The following COL12A1 variants were observed in gnomAD, a reference collection of about 807,000 sequenced individuals.
COL12A1 encodes the protein collagen alpha-1(XII) chain.
In COL12A1, 114 loss-of-function variants were observed where a neutral mutation model predicts 349.7. That is an observed-to-expected ratio of 0.33 (90% CI 0.28 to 0.38). The LOEUF (loss-of-function observed/expected upper bound fraction) is 0.38. COL12A1 is among the 10% of genes least tolerant of loss of function. The probability of loss-of-function intolerance (pLI) is 1.00; values close to 1 mark genes in which losing one functional copy is unlikely to be tolerated. For missense variants in COL12A1, 3,284 were observed against 3,756.9 expected (o/e 0.87, Z 3.29); for synonymous variants, 1,369 against 1,329.0 (o/e 1.03, Z -0.66).
chr6:75,137,523 T>C lies in COL12A1; in HGVS notation c.5308A>G (p.Thr1770Ala), dbSNP rs192345009. ...CCACTAGCAGGATCCCACTTAACAG[T>C]CAGGCTGTTAGATGTTGCATTGTAC... ...QVYNATSNSLTVKWDPASGRV... is the reference protein window; with the variant it reads ...QVYNATSNSLAVKWDPASGRV... Residue 1770 changes from threonine (T) to alanine (A), a missense_variant, in exon 31 of 66, where the codon ACT becomes GCT. Coordinates refer to ENST00000322507, the MANE Select transcript of COL12A1 (RefSeq NM_004370.6). The C allele has an allele frequency of 2.5e-4, 398 of 1,613,680 alleles. No homozygotes were observed. The highest frequency in any genetic ancestry group is 3.2e-4 in the Non-Finnish European group (381 of 1,179,684).
chr6:75,137,527 GC>G lies in COL12A1; in HGVS notation c.5303del (p.Ser1768ThrfsTer2). 4 of 1,613,590 alleles carry G rather than the reference GC, an allele frequency of 2.5e-6. No individual in the cohort carries two copies. Among genetic ancestry groups the G allele is most frequent in the Non-Finnish European group, 3.4e-6 (4 of 1,179,634 alleles). The part of the protein sequence containing the change: ...NLQVYNATSN[S>X]LTVKWDPASG... ...TAGCAGGATCCCACTTAACAGTCAG[GC>G]TGTTAGATGTTGCATTGTACACTTG... On this transcript the variant is annotated frameshift_variant, in exon 31 of 66. Transcript: ENST00000322507. LOFTEE classifies it high-confidence loss of function.
chr6:75,184,676 G>A (rs1481648510), intron 8 of COL12A1, among the ~76,000 whole-genome samples: 1 of 152,070 alleles, frequency 6.6e-6, no homozygotes, highest in Non-Finnish European at 1.5e-5. Flanking sequence ...ACTAGTTTCA[G>A]GGTAAGAAAA....
At chr6:75,187,709 T>C (rs1350471841) in intron 8 of COL12A1, among the ~76,000 whole-genome samples, 1 of 152,148 alleles carries the variant, frequency 6.6e-6, no homozygotes, top group African/African-American at 2.4e-5. Context: ...TTTAATCACT[T>C]ATCGATTCTC....
intron 44 of COL12A1, among the ~76,000 whole-genome samples, chr6:75,120,267 T>C (rs1769290698): frequency 6.6e-6 from 1 of 152,206 alleles, no homozygotes; most frequent in South Asian, 2.1e-4. Context: ...GAATTTTTAC[T>C]CTTCTTGGGT....
At chr6:75,120,530 T>C (rs530740306) in intron 44 of COL12A1, among the ~76,000 whole-genome samples, 13 of 152,278 alleles carry the variant, frequency 8.5e-5, no homozygotes, top group African/African-American at 3.1e-4. Context: ...AGATAGAAGA[T>C]TAGACAGAAC....
chr6:75,131,878 C>A, intron 35 of COL12A1, 62 bp downstream of exon 35: 4 of 1,580,520 alleles, frequency 2.5e-6, no homozygotes, highest in Non-Finnish European at 2.6e-6. Context: ...GGCTATCAAA[C>A]GTGACACAAA....
At chr6:75,160,752 C>T (rs1245202530) in intron 14 of COL12A1, among the ~76,000 whole-genome samples, 1 of 152,248 alleles carries the variant, frequency 6.6e-6, no homozygotes, top group Middle Eastern at 3.4e-3. Flanking sequence ...TAAGCCCTCA[C>T]CTAACGTTAA....
Position 75,124,102 on chromosome 6 carries a change from T to A in COL12A1, c.6725-8A>T. The A allele has an allele frequency of 6.2e-7, 1 of 1,611,030 alleles. No individual in the cohort carries two copies. The highest frequency in any genetic ancestry group is 8.5e-7 in the Non-Finnish European group (1 of 1,177,732). ...TTTCTTGTCCCCTTGTTCCTGATTA[T>A]GACAACAAAGGAAAATGCCAGTGTC... On this transcript the variant is annotated splice_region_variant and splice_polypyrimidine_tract_variant and intron_variant, in intron 41 of 65. Transcript: ENST00000322507.
At chr6:75,170,179 G>A (rs1310004045) in intron 13 of COL12A1, among the ~76,000 whole-genome samples, 1 of 152,044 alleles carries the variant, frequency 6.6e-6, no homozygotes, top group Non-Finnish European at 1.5e-5. Flanking sequence ...ACACAAATTA[G>A]CCAATGATAA....
intron 14 of COL12A1, among the ~76,000 whole-genome samples, chr6:75,159,799 C>T (rs1377100473): frequency 7.1e-6 from 1 of 140,622 alleles, no homozygotes; most frequent in Admixed American, 7.2e-5. Context: ...ACTTAAGTTT[C>T]AAAAAAAAAT....
At chr6:75,101,975 A>C (rs1356226782) in intron 57 of COL12A1, 24 bp downstream of exon 57, 2 of 1,613,214 alleles carry the variant, frequency 1.2e-6, no homozygotes, top group Non-Finnish European at 1.7e-6. Context: ...AGCACATGAC[A>C]GGGCAACTTA....
At position 75,165,718 on chromosome 6, in the gene COL12A1, A is replaced by G. The variant is rs35429515; in HGVS notation, c.2772T>C (p.Tyr924=). ...KDITDTSIGA[Y]WTSAPGMVRG... ...GAACCATTCCTGGAGCAGATGTCCA[A>G]TAAGCCCCAATTGATGTGTCAGTGA... Residue 924 remains tyrosine (Y), a synonymous_variant, in exon 14 of 66, where the codon TAT becomes TAC. Transcript: ENST00000322507. The G allele has an allele frequency of 4.4e-3, 7,087 of 1,614,006 alleles. 229 individuals carry two copies. In the African/African-American group the frequency reaches 0.08, roughly 18 times the overall value.
At chr6:75,184,268 C>T (rs1023004701) in intron 8 of COL12A1, 124 bp from the exon 9 acceptor site, 3 of 1,056,496 alleles carry the variant, frequency 2.8e-6, no homozygotes, top group Non-Finnish European at 4.0e-6. Flanking sequence ...AAAAGAGTTG[C>T]CCAATACCCG....
intron 5 of COL12A1, among the ~76,000 whole-genome samples, chr6:75,191,431 G>A (rs1269247765): frequency 1.3e-5 from 2 of 151,870 alleles, no homozygotes; most frequent in Admixed American, 6.6e-5. Flanking sequence ...CCAAAATCCT[G>A]CAGGAAAGGT....
At chr6:75,105,099 G>T (rs1305554811) in intron 54 of COL12A1, 107 bp downstream of exon 54, 4 of 895,340 alleles carry the variant, frequency 4.5e-6, no homozygotes, top group Non-Finnish European at 6.8e-6. Context: ...CTCTATCCTA[G>T]AAAACCTGGA....
In COL12A1 at chr6:75,147,758, T is replaced by C. The variant is rs182730243; in HGVS notation, c.4334A>G (p.Lys1445Arg). 14 of 1,613,624 alleles carry C rather than the reference T, an allele frequency of 8.7e-6. No homozygotes were observed. In the East Asian group the frequency reaches 2.2e-4, roughly 26 times the overall value. The stretch of plus-strand genomic sequence containing the variant: ...ATTGACAACATATTCAGTTTCAGGT[T>C]TCAGATCTTTCAGCACTGTGCTAGT... ...METSTVLKDL[K>R]PETEYVVNVY... Residue 1445 changes from lysine to arginine, a missense_variant, in exon 23 of 66, where the codon AAA becomes AGA. Around this residue, in one of 2 missense-constraint regions of COL12A1, gnomAD observed 2,601 missense variants for 2,824.8 expected, o/e 0.92. Coordinates refer to ENST00000322507, the MANE Select transcript of COL12A1 (RefSeq NM_004370.6).
chr6:75,140,258 A>G (rs938170334), intron 27 of COL12A1, among the ~76,000 whole-genome samples: 5 of 152,190 alleles, frequency 3.3e-5, no homozygotes, highest in African/African-American at 1.2e-4. Context: ...TGACCCTTAC[A>G]AGGTAAGAAC....
rs149100582 is a variant in COL12A1 at position 75,179,803 on chromosome 6, C to A, written c.2164+1136G>T. ...AGAATAATTGCCTTGCCTTAGTCTTCCACTAACCAACTTAAATTGGTGCCT... is the reference window on the plus strand; with the variant it reads ...AGAATAATTGCCTTGCCTTAGTCTTACACTAACCAACTTAAATTGGTGCCT... On this transcript the variant is annotated intron_variant, in intron 11 of 65. Coordinates refer to ENST00000322507, the MANE Select transcript of COL12A1 (RefSeq NM_004370.6). 6.2e-3 allele frequency among the ~76,000 whole-genome samples: 951 copies of A among 152,314 alleles called. 7 individuals carry two copies. Among genetic ancestry groups the A allele is most frequent in the African/African-American group, 0.022 (913 of 41,576 alleles).
chr6:75,167,366 T>C (rs1199002477), intron 13 of COL12A1, among the ~76,000 whole-genome samples: 2 of 152,190 alleles, frequency 1.3e-5, no homozygotes, highest in Non-Finnish European at 2.9e-5. Flanking sequence ...ATTTCCTAGA[T>C]TGCAGTCAGG....
Sources: allele counts gnomAD v4.1 joint callset (sites outside exome capture counted in the v4.1 genomes callset), GRCh38; gene constraint gnomAD v4.1.1; regional missense constraint gnomAD v4.1.1; transcripts MANE v1.5; gene names NCBI Gene and HGNC (gene_info 2026-07-23, HGNC 2026-07-21).